ZYG11A: variants seen among roughly 807,000 people sequenced by gnomAD.
The protein encoded by ZYG11A is zyg-11 family member A, cell cycle regulator, also known as protein zyg-11 homolog A.
Under a neutral mutation model 77.2 loss-of-function variants are expected in ZYG11A, and 62 were observed. The observed-to-expected ratio is 0.80, with a 90% CI of 0.65 to 0.99. ZYG11A has a LOEUF of 0.99. Among genes scored for constraint, ZYG11A ranks in the 50% least tolerant of loss-of-function variants. The probability of loss-of-function intolerance (pLI) is 0.00; values close to 1 mark genes in which losing one functional copy is unlikely to be tolerated. For synonymous variants in ZYG11A, 315 were observed against 324.6 expected, an observed-to-expected ratio of 0.97 and a Z score of 0.32; for missense variants, 828 against 896.8, an observed-to-expected ratio of 0.92 and a Z score of 0.98.
chr1:52,847,730 C>T (rs1344261610), intron 1 of ZYG11A, among the ~76,000 whole-genome samples: 8 of 147,224 alleles, frequency 5.4e-5, no homozygotes, highest in African/African-American at 7.5e-5. Flanking sequence ...AGTGCAGTGG[C>T]GCGATCTCGG....
intron 11 of ZYG11A, among the ~76,000 whole-genome samples, chr1:52,883,276 C>T (rs1384466128): frequency 1.3e-5 from 2 of 150,510 alleles, no homozygotes; most frequent in Non-Finnish European, 3.0e-5. Context: ...TAATGCACAC[C>T]TGTAAAAACA....
At chr1:52,865,286 G>C (rs1213694317) in intron 5 of ZYG11A, among the ~76,000 whole-genome samples, 2 of 152,108 alleles carry the variant, frequency 1.3e-5, no homozygotes, top group Non-Finnish European at 2.9e-5. Context: ...GTAGATGATA[G>C]ACTGGGAAAC....
At position 52,881,574 on chromosome 1, in the gene ZYG11A, A is replaced by G. The variant is rs1358504739; in HGVS notation, c.1853A>G (p.Tyr618Cys). ...TGTAGCAGGGAAATGGAAGTCAGCTATTTTGCTGCAGGTATCATAGCCCAC... is the reference window on the plus strand; with the variant it reads ...TGTAGCAGGGAAATGGAAGTCAGCTGTTTTGCTGCAGGTATCATAGCCCAC... The part of the protein sequence containing the change: ...LLCSREMEVS[Y>C]FAAGIIAHLT... Residue 618 changes from tyrosine to cysteine, a missense_variant, in exon 11 of 14, where the codon TAT becomes TGT. Physicochemically the swap from Tyr to Cys is radical, Grantham distance 194. Coordinates refer to ENST00000371528, the MANE Select transcript of ZYG11A (RefSeq NM_001004339.3). The G allele has an allele frequency of 9.0e-6, 14 of 1,552,110 alleles. No individual in the cohort carries two copies. The South Asian group carries it at 1.2e-4, about 13-fold the overall frequency.
intron 1 of ZYG11A, among the ~76,000 whole-genome samples, chr1:52,848,274 T>C (rs1202155592): frequency 2.6e-5 from 4 of 152,172 alleles, no homozygotes; most frequent in Non-Finnish European, 5.9e-5. Context: ...AGTGCTGGGA[T>C]TACAGGTGTG....
At chr1:52,861,008 T>C (rs557697893) in intron 4 of ZYG11A, 137 bp downstream of exon 4, 2 of 841,896 alleles carry the variant, frequency 2.4e-6, no homozygotes, top group Non-Finnish European at 3.6e-6. Flanking sequence ...GCAAAGAATG[T>C]TAAGCTTAGC....
intron 3 of ZYG11A, 118 bp from the exon 4 acceptor site, chr1:52,860,613 A>G: frequency 1.8e-6 from 2 of 1,141,322 alleles, no homozygotes; most frequent in Non-Finnish European, 2.5e-6. Flanking sequence ...TGGAACATTT[A>G]ATTGAACATT....
chr1:52,857,391 T>A lies in ZYG11A; in HGVS notation c.650T>A (p.Val217Asp). ...AGCTTAGATATCTCTAATACTCTAG[T>A]CACTGATATTTCTGCACTGCTTACC... ...LESLDISNTLVTDISALLTCK... is the reference protein window; with the variant it reads ...LESLDISNTLDTDISALLTCK... The change falls in exon 3 of 14, where the codon GTC becomes GAC. Residue 217 changes from valine (V) to aspartate (D), a missense_variant. By Grantham distance (152) the Val-to-Asp change is radical (BLOSUM62 -3). Coordinates refer to ENST00000371528, the MANE Select transcript of ZYG11A (RefSeq NM_001004339.3). 3 of 1,551,884 alleles carry A rather than the reference T, an allele frequency of 1.9e-6. No homozygotes were observed. The highest frequency in any genetic ancestry group is 2.6e-6 in the Non-Finnish European group (3 of 1,147,030).
chr1:52,855,012 C>A (rs1418196207), intron 2 of ZYG11A, among the ~76,000 whole-genome samples: 1 of 151,994 alleles, frequency 6.6e-6, no homozygotes, highest in Non-Finnish European at 1.5e-5. Flanking sequence ...TTACAGGCGC[C>A]CACCACACCT....
At chr1:52,852,787 A>G (rs761466938) in intron 1 of ZYG11A, among the ~76,000 whole-genome samples, 2 of 152,234 alleles carry the variant, frequency 1.3e-5, no homozygotes, top group Non-Finnish European at 2.9e-5. Flanking sequence ...TATCAAATAT[A>G]GGTTAGTCTG....
intron 5 of ZYG11A, among the ~76,000 whole-genome samples, chr1:52,866,219 G>A (rs1007234373): frequency 6.6e-6 from 1 of 152,150 alleles, no homozygotes; most frequent in African/African-American, 2.4e-5. Context: ...TTACAGGCAT[G>A]AGCCACCGCA....
At chr1:52,853,036 T>C (rs536453360) in intron 1 of ZYG11A, among the ~76,000 whole-genome samples, 1 of 152,346 alleles carries the variant, frequency 6.6e-6, no homozygotes, top group Non-Finnish European at 1.5e-5. Flanking sequence ...AGAAGCTACA[T>C]CAACAGGGTC....
chr1:52,868,213 C>T (rs938899434), intron 8 of ZYG11A, among the ~76,000 whole-genome samples: 7 of 151,754 alleles, frequency 4.6e-5, no homozygotes, highest in Admixed American at 3.9e-4. Flanking sequence ...ATCTGCGTGC[C>T]TCGGCATCCC....
intron 6 of ZYG11A, among the ~76,000 whole-genome samples, chr1:52,867,321 G>A (rs1646044177): frequency 6.6e-6 from 1 of 152,070 alleles, no homozygotes; most frequent in South Asian, 2.1e-4. Flanking sequence ...TCATCTTTAT[G>A]TAAATTCTGT....
At chr1:52,850,521 C>T (rs1232070539) in intron 1 of ZYG11A, among the ~76,000 whole-genome samples, 2 of 152,002 alleles carry the variant, frequency 1.3e-5, no homozygotes, top group African/African-American at 2.4e-5. Flanking sequence ...GGTTTCACCA[C>T]GTTGGCCAGG....
At chr1:52,850,942 C>CT (rs1467446264) in intron 1 of ZYG11A, among the ~76,000 whole-genome samples, 2 of 152,020 alleles carry the variant, frequency 1.3e-5, no homozygotes, top group Non-Finnish European at 2.9e-5. Context: ...TTTCTATTGA[C>CT]TTTTTTTTCC....
intron 8 of ZYG11A, among the ~76,000 whole-genome samples, chr1:52,869,720 C>T (rs1247863702): frequency 5.3e-5 from 8 of 151,618 alleles, no homozygotes; most frequent in Non-Finnish European, 1.0e-4. Context: ...TCCACAAAAC[C>T]GCCATTGTCA....
At chr1:52,879,745 T>C (rs576918066) in intron 10 of ZYG11A, among the ~76,000 whole-genome samples, 3 of 126,528 alleles carry the variant, frequency 2.4e-5, no homozygotes, top group South Asian at 2.8e-4. Context: ...TCTTCCACTT[T>C]TCTTATTTAT....
chr1:52,891,334 T>C, intron 13 of ZYG11A, among the ~76,000 whole-genome samples: 1 of 150,284 alleles, frequency 6.7e-6, no homozygotes, highest in South Asian at 2.1e-4. Context: ...TTGTGGTCTT[T>C]ATCTGATCTT....
chr1:52,865,649 A>C (rs563731733), intron 5 of ZYG11A, among the ~76,000 whole-genome samples: 1 of 152,342 alleles, frequency 6.6e-6, no homozygotes, highest in East Asian at 1.9e-4. Flanking sequence ...TGAAGTACTG[A>C]TATCTGCAGT....
Sources: allele counts gnomAD v4.1 joint callset (sites outside exome capture counted in the v4.1 genomes callset), GRCh38; gene constraint gnomAD v4.1.1; transcripts MANE v1.5; gene names NCBI Gene and HGNC (gene_info 2026-07-23, HGNC 2026-07-21).